Variants in NALCN observed in about 807,000 individuals in gnomAD.
NALCN encodes sodium leak channel, non-selective, also known as sodium leak channel NALCN.
NALCN carries 111 observed loss-of-function variants against 225.3 expected under a neutral mutation model. That is an observed-to-expected ratio of 0.49 (90% CI 0.42 to 0.58). The LOEUF (loss-of-function observed/expected upper bound fraction) is 0.58, where lower values mean the gene tolerates loss of function less well. NALCN is among the 20% of genes least tolerant of loss of function. The pLI, the probability that NALCN is intolerant of heterozygous loss-of-function variation, is 0.00. For missense variants in NALCN, 1,378 were observed against 2,202.4 expected (o/e 0.63, Z 7.49); for synonymous variants, 764 against 769.0 (o/e 0.99, Z 0.11).
At chr13:101,284,109 T>C in intron 9 of NALCN, 90 bp from the exon 10 acceptor site, 1 of 1,116,198 alleles carries the variant, frequency 9.0e-7, no homozygotes, top group Non-Finnish European at 1.2e-6. Context: ...TTTTATGTTA[T>C]CAAAAATTTG....
intron 9 of NALCN, among the ~76,000 whole-genome samples, chr13:101,286,872 C>T (rs1345800485): frequency 6.7e-6 from 1 of 149,564 alleles, no homozygotes; most frequent in Non-Finnish European, 1.5e-5. Context: ...TATACACACA[C>T]ACACACACAC....
At chr13:101,397,545 G>A (rs547584575) in intron 2 of NALCN, among the ~76,000 whole-genome samples, 3 of 150,300 alleles carry the variant, frequency 2.0e-5, no homozygotes, top group Non-Finnish European at 4.4e-5. Context: ...TATATGTGTG[G>A]GTAATATGCA....
intron 18 of NALCN, among the ~76,000 whole-genome samples, chr13:101,117,771 AGGACATCTT>A (rs2035786627): frequency 6.6e-6 from 1 of 151,748 alleles, no homozygotes; most frequent in Non-Finnish European, 1.5e-5. Flanking sequence ...CTCCTACTGA[AGGACATCTT>A]GGTTGCTTCC....
chr13:101,380,084 C>CAT (rs58967712), intron 3 of NALCN, among the ~76,000 whole-genome samples: 37,383 of 151,626 alleles, frequency 0.25, 4,844 homozygotes, highest in Non-Finnish European at 0.29. Flanking sequence ...TATATATACA[C>CAT]ATATATACAT....
intron 22 of NALCN, 82 bp downstream of exon 22, chr13:101,107,405 C>G (rs890738771): frequency 6.3e-7 from 1 of 1,599,100 alleles, no homozygotes; most frequent in Non-Finnish European, 8.5e-7. Context: ...TAGGATTACA[C>G]GTTCCTTCTT....
In NALCN at chr13:101,389,771, A is replaced by AC. The variant is rs557226992; in HGVS notation, c.291+5411dup. On this transcript the variant is annotated intron_variant, in intron 3 of 43. Coordinates refer to ENST00000251127, the MANE Select transcript of NALCN (RefSeq NM_052867.4). Reference sequence around the variant, plus strand: ...ATGATGAAGCCCTTGTAAAAACATTACAGAATAAGATGAATGAAATAATAC... The same window carrying AC: ...ATGATGAAGCCCTTGTAAAAACATTACCAGAATAAGATGAATGAAATAATAC... 3.4e-3 allele frequency among the ~76,000 whole-genome samples: 523 copies of AC among 152,314 alleles called. 3 individuals are homozygous for AC. Among genetic ancestry groups the AC allele is most frequent in the Non-Finnish European group, 5.8e-3 (396 of 68,014 alleles).
intron 17 of NALCN, 110 bp from the exon 18 acceptor site, chr13:101,124,791 C>A: frequency 1.1e-6 from 1 of 922,288 alleles, no homozygotes; most frequent in Non-Finnish European, 1.7e-6. Context: ...ATATGTTTCG[C>A]TAAAGCATCA....
At chr13:101,325,499 G>A (rs2042784778) in intron 7 of NALCN, among the ~76,000 whole-genome samples, 1 of 152,144 alleles carries the variant, frequency 6.6e-6, no homozygotes, top group African/African-American at 2.4e-5. Context: ...CCTTGATTTT[G>A]TACTGTCTGC....
intron 17 of NALCN, 138 bp downstream of exon 17, chr13:101,142,942 A>G: frequency 8.2e-7 from 1 of 1,226,506 alleles, no homozygotes; most frequent in Non-Finnish European, 1.2e-6. Context: ...GTTTCATGAT[A>G]TCTTTTACAA....
At chr13:101,187,027 G>T (rs893243373) in intron 14 of NALCN, among the ~76,000 whole-genome samples, 1 of 152,028 alleles carries the variant, frequency 6.6e-6, no homozygotes, top group Non-Finnish European at 1.5e-5. Context: ...AAAACATCAC[G>T]TTGTACCCCA....
intron 3 of NALCN, among the ~76,000 whole-genome samples, chr13:101,381,065 G>A (rs1184941351): frequency 6.6e-6 from 1 of 152,070 alleles, no homozygotes; most frequent in Non-Finnish European, 1.5e-5. Context: ...CCAAATGAAC[G>A]GACAAATAAT....
rs762860462 is a variant in NALCN at position 101,059,971 on chromosome 13, T to C, written c.4756-4A>G. On this transcript the variant is annotated splice_polypyrimidine_tract_variant and splice_region_variant and intron_variant, in intron 41 of 43. Coordinates refer to ENST00000251127, the MANE Select transcript of NALCN (RefSeq NM_052867.4). Reference sequence around the variant, plus strand: ...TACTGCACGACTGCTGCTGTTTCTATGGAAATGCGATTGTTTGTTCAGTAA... The same window carrying C: ...TACTGCACGACTGCTGCTGTTTCTACGGAAATGCGATTGTTTGTTCAGTAA... The C allele has an allele frequency of 4.3e-6, 7 of 1,613,910 alleles. No homozygotes were observed. In the East Asian group the frequency reaches 1.1e-4, roughly 26 times the overall value.
At chr13:101,161,565 A>C (rs2038185055) in intron 15 of NALCN, among the ~76,000 whole-genome samples, 1 of 152,188 alleles carries the variant, frequency 6.6e-6, no homozygotes, top group African/African-American at 2.4e-5. Context: ...CTCAGGTTAA[A>C]GGTAAACATT....
chr13:101,161,660 T>A (rs2038190097), intron 15 of NALCN, among the ~76,000 whole-genome samples: 1 of 152,130 alleles, frequency 6.6e-6, no homozygotes, highest in Non-Finnish European at 1.5e-5. Flanking sequence ...TCACCTGAGG[T>A]CAGGAGTTCA....
At chr13:101,139,063 C>T (rs1022561303) in intron 17 of NALCN, among the ~76,000 whole-genome samples, 1 of 152,220 alleles carries the variant, frequency 6.6e-6, no homozygotes, top group Non-Finnish European at 1.5e-5. Context: ...CTGTCTTTTC[C>T]TTTTAGGATC....
chr13:101,183,418 A>G (rs2039319890), intron 14 of NALCN, among the ~76,000 whole-genome samples: 1 of 152,112 alleles, frequency 6.6e-6, no homozygotes, highest in Admixed American at 6.5e-5. Flanking sequence ...GCTTTGCATT[A>G]TTTATTTCTT....
rs533268396 is a variant in NALCN, at chr13:101,158,924, A to G, written c.1840-14028T>C. ...AGTGTGAGCTGGGAAGATAATCAGG[A>G]ATAAGAGGACCACCAGTCATCTTTG... On this transcript the variant is annotated intron_variant, in intron 15 of 43. Coordinates refer to ENST00000251127, the MANE Select transcript of NALCN (RefSeq NM_052867.4). Among the ~76,000 whole-genome samples the G allele has an allele frequency of 1.1e-4, 17 of 152,296 alleles. No individual in the cohort carries two copies. The South Asian group carries it at 3.5e-3, about 32-fold the overall frequency.
intron 13 of NALCN, among the ~76,000 whole-genome samples, chr13:101,194,441 T>A (rs1309835326): frequency 6.6e-6 from 1 of 152,192 alleles, no homozygotes; most frequent in Non-Finnish European, 1.5e-5. Context: ...ACTTGTGTCT[T>A]GCTTGAAGGG....
chr13:101,377,703 A>C (rs185141050), intron 4 of NALCN, among the ~76,000 whole-genome samples: 1 of 152,302 alleles, frequency 6.6e-6, no homozygotes, highest in African/African-American at 2.4e-5. Context: ...TAAATAAAGA[A>C]TAGATGATTG....
Sources: allele counts gnomAD v4.1 joint callset (sites outside exome capture counted in the v4.1 genomes callset), GRCh38; gene constraint gnomAD v4.1.1; transcripts MANE v1.5; gene names NCBI Gene and HGNC (gene_info 2026-07-23, HGNC 2026-07-21).